The following HMCN1 variants were observed in gnomAD, a reference collection of about 807,000 sequenced individuals.
HMCN1 encodes the protein hemicentin 1.
HMCN1 carries 321 observed loss-of-function variants against 625.9 expected under a neutral mutation model. The ratio of observed to expected loss-of-function variants is 0.51; its 90% confidence interval spans 0.47 to 0.56. The LOEUF (loss-of-function observed/expected upper bound fraction) is 0.56, where lower values mean the gene tolerates loss of function less well. Among genes scored for constraint, HMCN1 ranks in the 20% least tolerant of loss-of-function variants. The probability of loss-of-function intolerance (pLI) is 0.00; values close to 1 mark genes in which losing one functional copy is unlikely to be tolerated. For synonymous variants in HMCN1, 2,425 were observed against 2,417.6 expected, an observed-to-expected ratio of 1.00 and a Z score of -0.09; for missense variants, 6,588 against 6,887.3, an observed-to-expected ratio of 0.96 and a Z score of 1.54.
rs80099670 is a variant in HMCN1 at position 185,787,855 on chromosome 1, G to T, written c.268+52808G>T. On this transcript the variant is annotated intron_variant, in intron 1 of 106. Transcript: ENST00000271588. ...ACCATATTACAGATACTAAGGTAAA[G>T]CTCAGAGAGGTCAGATAACTTAATA... 3.9e-3 allele frequency among the ~76,000 whole-genome samples: 601 copies of T among 152,170 alleles called. 6 individuals are homozygous for T. The East Asian group carries it at 0.042, about 11-fold the overall frequency.
chr1:185,893,805 A>G (rs1371854208), intron 4 of HMCN1, among the ~76,000 whole-genome samples: 1 of 152,226 alleles, frequency 6.6e-6, no homozygotes, highest in Non-Finnish European at 1.5e-5. Context: ...ATATACATAC[A>G]GAAAAGTGCA....
At chr1:185,993,127 G>A (rs1652544999) in intron 22 of HMCN1, 55 bp from the exon 23 acceptor site, 1 of 1,542,906 alleles carries the variant, frequency 6.5e-7, no homozygotes, top group Non-Finnish European at 8.9e-7. Context: ...TAGCTGCATA[G>A]GGGATATTTA....
At position 186,063,067 on chromosome 1, in the gene HMCN1, C is replaced by CATATATATATATATATATAT. The variant is rs775036108; in HGVS notation, c.7513+484_7513+503dup. On this transcript the variant is annotated intron_variant, in intron 48 of 106. Coordinates refer to ENST00000271588, the MANE Select transcript of HMCN1 (RefSeq NM_031935.3). ...GTGTGTGTGTGTGTGTGTGTGTGTGCATATATATATATATATATATATATA... is the reference window on the plus strand; with the variant it reads ...GTGTGTGTGTGTGTGTGTGTGTGTGCATATATATATATATATATATATATATATATATATATATATATATA... 9.7e-4 allele frequency among the ~76,000 whole-genome samples: 58 copies of CATATATATATATATATATAT among 59,808 alleles called. 3 individuals are homozygous for CATATATATATATATATATAT. Among genetic ancestry groups the CATATATATATATATATATAT allele is most frequent in the African/African-American group, 2.9e-3 (30 of 10,452 alleles). The allele number at this position is 59,808 out of a possible 152,430, so 39.2% of individuals were successfully genotyped here.
chr1:186,057,535 AT>A, intron 46 of HMCN1, 134 bp downstream of exon 46: 1 of 656,596 alleles, frequency 1.5e-6, no homozygotes, highest in South Asian at 1.8e-5. Context: ...CACTAATCAT[AT>A]TAAGAAAAAA....
rs147040975 is a variant in HMCN1 at position 186,109,546 on chromosome 1, G to A, written c.10989+949G>A. ...AAAGATTATAGAATGAACGCCACTA[G>A]TAAATTGTATATTAGAAGGATGTGT... is the stretch of plus-strand genomic sequence containing the variant. On this transcript the variant is annotated intron_variant, in intron 71 of 106. Transcript: ENST00000271588. 4.3e-3 allele frequency among the ~76,000 whole-genome samples: 655 copies of A among 152,302 alleles called. 14 individuals are homozygous for A. Among genetic ancestry groups the A allele is most frequent in the South Asian group, 0.042 (201 of 4,824 alleles).
At chr1:186,014,682 G>GA (rs1198478439) in intron 30 of HMCN1, among the ~76,000 whole-genome samples, 10 of 151,640 alleles carry the variant, frequency 6.6e-5, no homozygotes, top group Admixed American at 3.3e-4. Flanking sequence ...CCCAAAAAAA[G>GA]AAAAAAATAG....
chr1:186,001,177 A>T, intron 26 of HMCN1, 121 bp from the exon 27 acceptor site: 1 of 844,580 alleles, frequency 1.2e-6, no homozygotes, highest in Non-Finnish European at 1.9e-6. Flanking sequence ...ATGCTTAAAT[A>T]TGTCTAGCTT....
chr1:185,753,389 A>G (rs141400555), intron 1 of HMCN1, among the ~76,000 whole-genome samples: 36 of 152,098 alleles, frequency 2.4e-4, no homozygotes, highest in Admixed American at 1.1e-3. Context: ...CAGTGTTTCT[A>G]TTGGGAGGAA....
intron 18 of HMCN1, among the ~76,000 whole-genome samples, chr1:185,982,960 T>A (rs1651754243): frequency 6.6e-6 from 1 of 152,090 alleles, no homozygotes; most frequent in South Asian, 2.1e-4. Context: ...GTGAACTTTT[T>A]TCAGAATATA....
Position 186,189,916 on chromosome 1 carries a change from A to C in HMCN1, c.*38A>C, listed in dbSNP as rs1443093573. 3.1e-6 allele frequency: 5 copies of C among 1,608,694 alleles called. No homozygotes were observed. The highest frequency in any genetic ancestry group is 1.3e-5 in the African/African-American group (1 of 74,794). Reference sequence around the variant, plus strand: ...AGCCTATTCCACATATTTAAACCGCATTAATCATGGCAATCAAGCCCCCTT... The same window carrying C: ...AGCCTATTCCACATATTTAAACCGCCTTAATCATGGCAATCAAGCCCCCTT... On this transcript the variant is annotated 3_prime_UTR_variant, in exon 107 of 107. Coordinates refer to ENST00000271588, the MANE Select transcript of HMCN1 (RefSeq NM_031935.3).
At chr1:185,772,202 G>A (rs1656288732) in intron 1 of HMCN1, among the ~76,000 whole-genome samples, 1 of 152,132 alleles carries the variant, frequency 6.6e-6, no homozygotes, top group Non-Finnish European at 1.5e-5. Flanking sequence ...TTATATAACA[G>A]GCTGAAGATT....
chr1:185,836,712 C>T (rs1661192856), intron 1 of HMCN1, among the ~76,000 whole-genome samples: 1 of 152,000 alleles, frequency 6.6e-6, no homozygotes, highest in African/African-American at 2.4e-5. Flanking sequence ...AGTGGGTGTA[C>T]AGATTATTTC....
At chr1:186,052,862 T>C (rs911583130) in intron 42 of HMCN1, 90 bp from the exon 43 acceptor site, 9 of 1,113,926 alleles carry the variant, frequency 8.1e-6, no homozygotes, top group East Asian at 7.1e-5. Context: ...CCTTATGTCA[T>C]TTGAGTAGAA....
Position 185,962,638 on chromosome 1 carries a change from T to TATC in HMCN1, c.1949_1950insATC (p.Met650delinsIleSer). On this transcript the variant is annotated protein_altering_variant, in exon 12 of 107. Transcript: ENST00000271588. The stretch of plus-strand genomic sequence containing the variant: ...AAGATTGCCTGGACCGTTAACGATA[T>TATC]GTTTATCGTGGGTTCACACAGGTAC... 6.3e-7 allele frequency: 1 copy of TATC among 1,578,250 alleles called. No individual in the cohort carries two copies. The highest frequency in any genetic ancestry group is 8.7e-7 in the Non-Finnish European group (1 of 1,147,228).
chr1:186,124,935 C>A (rs1249971530), intron 81 of HMCN1, among the ~76,000 whole-genome samples: 5 of 151,932 alleles, frequency 3.3e-5, no homozygotes, highest in Non-Finnish European at 7.4e-5. Context: ...TTTTATTACA[C>A]TAAAATATTC....
Position 186,145,495 on chromosome 1 carries a change from C to A in HMCN1, c.14359C>A (p.Pro4787Thr), listed in dbSNP as rs1479869881. The A allele has an allele frequency of 6.2e-7, 1 of 1,613,930 alleles. No homozygotes were observed. The highest frequency in any genetic ancestry group is 1.1e-5 in the South Asian group (1 of 91,060). ...QMRRYRTCDN[P>T]PPSNGGRACG... Reference sequence around the variant, plus strand: ...GCGGCGGTACCGCACATGTGATAACCCTCCTCCCTCCAATGGGGGAAGAGC... The same window carrying A: ...GCGGCGGTACCGCACATGTGATAACACTCCTCCCTCCAATGGGGGAAGAGC... Residue 4787 changes from proline to threonine, a missense_variant, in exon 92 of 107, where the codon CCT becomes ACT. By Grantham distance (38) the Pro-to-Thr change is conservative. Around this residue, in one of 3 missense-constraint regions of HMCN1, gnomAD observed 1,954 missense variants for 2,013.1 expected, o/e 0.97. Transcript: ENST00000271588.
intron 104 of HMCN1, among the ~76,000 whole-genome samples, chr1:186,180,655 C>T (rs1652876134): frequency 1.3e-5 from 2 of 152,140 alleles, no homozygotes; most frequent in African/African-American, 4.8e-5. Context: ...TTATCACAAT[C>T]GTCTTCCTCA....
At chr1:186,164,357 A>T (rs962582409) in intron 97 of HMCN1, among the ~76,000 whole-genome samples, 3 of 150,346 alleles carry the variant, frequency 2.0e-5, no homozygotes. Context: ...CTGCTGCCTC[A>T]GTCTCCTGAG....
At chr1:185,744,338 A>T (rs1456981835) in intron 1 of HMCN1, among the ~76,000 whole-genome samples, 1 of 152,110 alleles carries the variant, frequency 6.6e-6, no homozygotes, top group East Asian at 1.9e-4. Context: ...GTTTCAAACC[A>T]GTTCAGTTAT....
Sources: allele counts gnomAD v4.1 joint callset (sites outside exome capture counted in the v4.1 genomes callset), GRCh38; gene constraint gnomAD v4.1.1; regional missense constraint gnomAD v4.1.1; transcripts MANE v1.5; gene names NCBI Gene and HGNC (gene_info 2026-07-23, HGNC 2026-07-21).